CHST11: variants seen among roughly 807,000 people sequenced by gnomAD.
CHST11 encodes the protein carbohydrate sulfotransferase 11.
In CHST11, 9 loss-of-function variants were observed where a neutral mutation model predicts 30.4. That is an observed-to-expected ratio of 0.30 (90% CI 0.18 to 0.52). The LOEUF (loss-of-function observed/expected upper bound fraction) is 0.52, where lower values mean the gene tolerates loss of function less well. CHST11 is among the 20% of genes least tolerant of loss of function. The pLI is 0.97. For missense variants in CHST11, 348 were observed against 460.6 expected (o/e 0.76, Z 2.24); for synonymous variants, 152 against 187.8 (o/e 0.81, Z 1.56).
chr12:104,655,278 G>A (rs951067083), intron 2 of CHST11, among the ~76,000 whole-genome samples: 1 of 152,232 alleles, frequency 6.6e-6, no homozygotes, highest in Non-Finnish European at 1.5e-5. Context: ...CTTCGCGCCG[G>A]AGGCGCGGGC....
chr12:104,740,773 G>A (rs2040339937), intron 2 of CHST11, among the ~76,000 whole-genome samples: 1 of 152,206 alleles, frequency 6.6e-6, no homozygotes, highest in Non-Finnish European at 1.5e-5. Flanking sequence ...GCCATTGTGT[G>A]TGACTCTGTT....
Position 104,601,920 on chromosome 12 carries a change from C to T in CHST11, c.133C>T (p.Pro45Ser), listed in dbSNP as rs1224400118. The T allele has an allele frequency of 1.2e-6, 2 of 1,613,742 alleles. No homozygotes were observed. Among genetic ancestry groups the T allele is most frequent in the African/African-American group, 2.7e-5 (2 of 74,900 alleles). ...SMLHPVMRRN[P>S]FGVDICCRKG... ...TCTTTCCTCAGTCATGCGGAGGAAT[C>T]CCTTTGGTGTGGACATCTGCTGCCG... The change falls in exon 2 of 3, where the codon CCC becomes TCC. Residue 45 changes from proline to serine, a missense_variant. By Grantham distance (74) the Pro-to-Ser change is moderately conservative (BLOSUM62 -1). Transcript: ENST00000303694.
At chr12:104,751,341 T>C (rs2040430239) in intron 2 of CHST11, among the ~76,000 whole-genome samples, 1 of 152,222 alleles carries the variant, frequency 6.6e-6, no homozygotes, top group South Asian at 2.1e-4. Flanking sequence ...AATGGCAGAA[T>C]TGATGGGCCC....
At chr12:104,510,163 G>A (rs942852631) in intron 1 of CHST11, among the ~76,000 whole-genome samples, 1 of 152,238 alleles carries the variant, frequency 6.6e-6, no homozygotes, top group African/African-American at 2.4e-5. Flanking sequence ...TCAGCCATGT[G>A]TTCATTTTCT....
rs575478845 is a variant in CHST11, at chr12:104,619,879, A to G, written c.204+17888A>G. The stretch of plus-strand genomic sequence containing the variant: ...GTTTCTACTTTTCAAGAGCAACTCA[A>G]AAGTTCATTAACAAGGAGGAACTTG... On this transcript the variant is annotated intron_variant, in intron 2 of 2. Coordinates refer to ENST00000303694, the MANE Select transcript of CHST11 (RefSeq NM_018413.6). Among the ~76,000 whole-genome samples the G allele has an allele frequency of 3.3e-5, 5 of 152,358 alleles. No homozygotes were observed. In the South Asian group the frequency reaches 1.0e-3, roughly 32 times the overall value.
intron 1 of CHST11, among the ~76,000 whole-genome samples, chr12:104,492,861 GTC>G (rs2037760678): frequency 6.6e-6 from 1 of 152,058 alleles, no homozygotes; most frequent in Non-Finnish European, 1.5e-5. Flanking sequence ...GTGAAACCCC[GTC>G]TCTACTAAAA....
intron 1 of CHST11, among the ~76,000 whole-genome samples, chr12:104,519,876 C>A (rs1001525783): frequency 5.3e-5 from 8 of 152,170 alleles, no homozygotes; most frequent in African/African-American, 1.9e-4. Context: ...TTCGGCAAAG[C>A]CTTCACAGTT....
intron 2 of CHST11, among the ~76,000 whole-genome samples, chr12:104,690,541 C>G (rs1056937884): frequency 6.6e-6 from 1 of 152,126 alleles, no homozygotes; most frequent in Non-Finnish European, 1.5e-5. Context: ...AAAAGAGATA[C>G]GAGACTGGGC....
At chr12:104,700,260 AT>A (rs2039980868) in intron 2 of CHST11, among the ~76,000 whole-genome samples, 1 of 152,230 alleles carries the variant, frequency 6.6e-6, no homozygotes, top group Non-Finnish European at 1.5e-5. Flanking sequence ...AGCAATAAAC[AT>A]TTATTAAAAA....
At chr12:104,615,541 G>C (rs900608072) in intron 2 of CHST11, among the ~76,000 whole-genome samples, 3 of 152,222 alleles carry the variant, frequency 2.0e-5, no homozygotes. Flanking sequence ...AGCCCCACGT[G>C]GGCTGAAATC....
intron 2 of CHST11, among the ~76,000 whole-genome samples, chr12:104,685,705 G>C (rs1012574664): frequency 1.3e-5 from 2 of 152,178 alleles, no homozygotes; most frequent in Admixed American, 6.5e-5. Flanking sequence ...TCTTGTTATG[G>C]TTGAGCCGGT....
At chr12:104,718,766 G>A (rs541084003) in intron 2 of CHST11, among the ~76,000 whole-genome samples, 86 of 152,260 alleles carry the variant, frequency 5.6e-4, no homozygotes, top group South Asian at 2.1e-3. Context: ...CAATGCTTGC[G>A]AGAGTAAACT....
At chr12:104,656,928 A>G (rs571188134) in intron 2 of CHST11, among the ~76,000 whole-genome samples, 5 of 152,210 alleles carry the variant, frequency 3.3e-5, no homozygotes, top group Admixed American at 6.5e-5. Flanking sequence ...AGAAGTTTCA[A>G]TGTTTCTAAG....
chr12:104,560,277 A>G (rs2038500631), intron 1 of CHST11, among the ~76,000 whole-genome samples: 1 of 152,186 alleles, frequency 6.6e-6, no homozygotes, highest in African/African-American at 2.4e-5. Context: ...GAAAAAAGAT[A>G]AGGCAGTTGT....
chr12:104,723,978 G>A (rs1396124479), intron 2 of CHST11, among the ~76,000 whole-genome samples: 1 of 152,182 alleles, frequency 6.6e-6, no homozygotes, highest in East Asian at 1.9e-4. Flanking sequence ...GAACATATAA[G>A]GCATTACAGG....
intron 2 of CHST11, among the ~76,000 whole-genome samples, chr12:104,701,135 C>T: frequency 6.6e-6 from 1 of 152,128 alleles, no homozygotes; most frequent in Non-Finnish European, 1.5e-5. Context: ...CTCTTTATAA[C>T]CCCTCCATCT....
At chr12:104,512,580 T>A (rs2037976167) in intron 1 of CHST11, among the ~76,000 whole-genome samples, 1 of 152,208 alleles carries the variant, frequency 6.6e-6, no homozygotes, top group Admixed American at 6.5e-5. Context: ...TTATTTTAAG[T>A]GTCCTGGTTT....
chr12:104,489,298 A>T (rs539933247), intron 1 of CHST11, among the ~76,000 whole-genome samples: 1 of 152,206 alleles, frequency 6.6e-6, no homozygotes, highest in Non-Finnish European at 1.5e-5. Context: ...CGGCCTCCCC[A>T]AGTGCTGGGA....
chr12:104,480,332 C>T (rs991121934), intron 1 of CHST11, among the ~76,000 whole-genome samples: 18 of 152,084 alleles, frequency 1.2e-4, no homozygotes, highest in Admixed American at 5.2e-4. Flanking sequence ...AATCCCAGCA[C>T]TTTGGGAGGC....
Sources: allele counts gnomAD v4.1 joint callset (sites outside exome capture counted in the v4.1 genomes callset), GRCh38; gene constraint gnomAD v4.1.1; transcripts MANE v1.5; gene names NCBI Gene and HGNC (gene_info 2026-07-23, HGNC 2026-07-21).